CFAP299: variants seen among roughly 807,000 people sequenced by gnomAD.
The protein encoded by CFAP299 is cilia and flagella associated protein 299.
A neutral mutation model predicts 27.0 loss-of-function variants in CFAP299; 21 were observed. The ratio of observed to expected loss-of-function variants is 0.78; its 90% confidence interval spans 0.55 to 1.12. The LOEUF (loss-of-function observed/expected upper bound fraction) is 1.12, where lower values mean the gene tolerates loss of function less well. CFAP299 is among the 50% of genes most tolerant of loss of function. The pLI, the probability that CFAP299 is intolerant of heterozygous loss-of-function variation, is 0.00. For missense variants in CFAP299, 310 were observed against 276.6 expected, an observed-to-expected ratio of 1.12 and a Z score of -0.86; for synonymous variants, 104 against 98.1, an observed-to-expected ratio of 1.06 and a Z score of -0.36.
chr4:80,726,510 T>C (rs1578063528), intron 3 of CFAP299, among the ~76,000 whole-genome samples: 1 of 152,314 alleles, frequency 6.6e-6, no homozygotes, highest in East Asian at 1.9e-4. Context: ...TGTGTTCAAA[T>C]TTGAATGAAT....
chr4:80,527,496 A>T (rs1159512629), intron 2 of CFAP299, among the ~76,000 whole-genome samples: 1 of 152,122 alleles, frequency 6.6e-6, no homozygotes, highest in Non-Finnish European at 1.5e-5. Context: ...CCTTTTCTAA[A>T]AGCTCCTAAT....
rs75186337 is a variant in CFAP299 at position 80,416,490 on chromosome 4, G to A, written c.242+53606G>A. 3.3e-3 allele frequency among the ~76,000 whole-genome samples: 496 copies of A among 152,124 alleles called. 2 individuals are homozygous for A. Among genetic ancestry groups the A allele is most frequent in the African/African-American group, 0.011 (464 of 41,510 alleles). On this transcript the variant is annotated intron_variant, in intron 2 of 5. Coordinates refer to ENST00000358105, the MANE Select transcript of CFAP299 (RefSeq NM_152770.3). ...TTTTACCGTAAGTGTAAATAGTAGGGCTACTTGTCTGATATTGTAAATCTA... is the reference window on the plus strand; with the variant it reads ...TTTTACCGTAAGTGTAAATAGTAGGACTACTTGTCTGATATTGTAAATCTA...
chr4:80,491,653 G>A (rs1339651908), intron 2 of CFAP299, among the ~76,000 whole-genome samples: 1 of 151,968 alleles, frequency 6.6e-6, no homozygotes. Context: ...CCTATCTAAG[G>A]GGTCTGGGGA....
intron 2 of CFAP299, among the ~76,000 whole-genome samples, chr4:80,396,074 C>G (rs1560546862): frequency 6.6e-6 from 1 of 152,110 alleles, no homozygotes; most frequent in African/African-American, 2.4e-5. Context: ...TTCCATTGCA[C>G]TATGTGTCAC....
intron 3 of CFAP299, among the ~76,000 whole-genome samples, chr4:80,686,041 C>T (rs17479000): frequency 0.034 from 5,151 of 151,920 alleles, 122 homozygotes; most frequent in Non-Finnish European, 0.051. Flanking sequence ...ATGCTAAGAA[C>T]GATTTTCACA....
At chr4:80,554,591 G>A in intron 2 of CFAP299, among the ~76,000 whole-genome samples, 1 of 149,658 alleles carries the variant, frequency 6.7e-6, no homozygotes, top group East Asian at 2.0e-4. Context: ...GCTTTGGGCA[G>A]TATGGCCATT....
chr4:80,366,676 G>A (rs1578360615), intron 2 of CFAP299, among the ~76,000 whole-genome samples: 1 of 152,256 alleles, frequency 6.6e-6, no homozygotes, highest in East Asian at 1.9e-4. Flanking sequence ...ATTCAACGTA[G>A]AGTTACTATA....
At chr4:80,848,557 C>A (rs1486773806) in intron 3 of CFAP299, among the ~76,000 whole-genome samples, 1 of 151,898 alleles carries the variant, frequency 6.6e-6, no homozygotes, top group Non-Finnish European at 1.5e-5. Flanking sequence ...TTGCTTGAGC[C>A]CAGGAGTTTG....
intron 2 of CFAP299, among the ~76,000 whole-genome samples, chr4:80,567,324 C>G (rs982587724): frequency 2.6e-5 from 4 of 151,998 alleles, no homozygotes; most frequent in Non-Finnish European, 4.4e-5. Context: ...TTTCTTCTCA[C>G]CAATAAATGA....
intron 2 of CFAP299, among the ~76,000 whole-genome samples, chr4:80,402,538 C>T (rs1453067763): frequency 6.6e-6 from 1 of 152,162 alleles, no homozygotes; most frequent in Non-Finnish European, 1.5e-5. Flanking sequence ...TGAGGCCTTC[C>T]TAGCCATGTG....
chr4:80,384,295 T>G (rs1233218609), intron 2 of CFAP299, among the ~76,000 whole-genome samples: 6 of 152,142 alleles, frequency 3.9e-5, no homozygotes, highest in Non-Finnish European at 8.8e-5. Context: ...GGACATATAT[T>G]TTTATTTTTT....
intron 4 of CFAP299, among the ~76,000 whole-genome samples, chr4:80,902,423 T>C (rs1578225625): frequency 8.7e-6 from 1 of 115,596 alleles, no homozygotes; most frequent in East Asian, 2.2e-4. Context: ...ATATAATATG[T>C]TTATATATGT....
intron 3 of CFAP299, among the ~76,000 whole-genome samples, chr4:80,782,317 G>T (rs186480620): frequency 3.5e-4 from 53 of 151,828 alleles, no homozygotes; most frequent in Non-Finnish European, 6.3e-4. Context: ...GAAAGAGATA[G>T]GATACTGTTT....
intron 2 of CFAP299, among the ~76,000 whole-genome samples, chr4:80,484,777 G>A (rs1730726919): frequency 1.3e-5 from 2 of 151,920 alleles, no homozygotes; most frequent in South Asian, 2.1e-4. Flanking sequence ...TACAGATGTC[G>A]GCATCTACTA....
chr4:80,506,657 T>G (rs1205409677), intron 2 of CFAP299, among the ~76,000 whole-genome samples: 4 of 152,178 alleles, frequency 2.6e-5, no homozygotes, highest in Non-Finnish European at 5.9e-5. Flanking sequence ...AGAAAAAATT[T>G]GTCTTTGTGC....
At chr4:80,444,210 T>C (rs77896452) in intron 2 of CFAP299, among the ~76,000 whole-genome samples, 2 of 152,098 alleles carry the variant, frequency 1.3e-5, no homozygotes, top group Non-Finnish European at 2.9e-5. Flanking sequence ...AAAAAGAACC[T>C]GTATAGCCAA....
chr4:80,324,534 G>A, the CFAP299 span, among the ~76,000 whole-genome samples: 110 of 152,250 alleles, frequency 7.2e-4, no homozygotes, highest in African/African-American at 2.4e-3. Flanking sequence ...ATAGGCATGC[G>A]TCTAGAGTCA....
intron 3 of CFAP299, among the ~76,000 whole-genome samples, chr4:80,816,956 C>A (rs1470094287): frequency 2.0e-5 from 3 of 152,136 alleles, no homozygotes; most frequent in Non-Finnish European, 4.4e-5. Flanking sequence ...ACAGGTTGGA[C>A]AAGCTTGGTA....
At chr4:80,477,961 C>G (rs1040865584) in intron 2 of CFAP299, among the ~76,000 whole-genome samples, 2 of 152,132 alleles carry the variant, frequency 1.3e-5, no homozygotes, top group African/African-American at 4.8e-5. Flanking sequence ...ACTTCATGAT[C>G]ACTAACCAGT....
Sources: allele counts gnomAD v4.1 joint callset (sites outside exome capture counted in the v4.1 genomes callset), GRCh38; gene constraint gnomAD v4.1.1; transcripts MANE v1.5; gene names NCBI Gene and HGNC (gene_info 2026-07-23, HGNC 2026-07-21).